PDE4D: variants seen among roughly 807,000 people sequenced by gnomAD.
PDE4D encodes 3',5'-cyclic-AMP phosphodiesterase 4D.
Under a neutral mutation model 87.4 loss-of-function variants are expected in PDE4D, and 24 were observed. That is an observed-to-expected ratio of 0.27 (90% confidence interval 0.20 to 0.39). The LOEUF (loss-of-function observed/expected upper bound fraction) is 0.39, where lower values mean the gene tolerates loss of function less well. Ranked by LOEUF, PDE4D falls within the 10% of genes least tolerant of loss-of-function variation. The pLI, the probability that PDE4D is intolerant of heterozygous loss-of-function variation, is 1.00. For missense variants in PDE4D, 714 were observed against 1,041.0 expected, an observed-to-expected ratio of 0.69 and a Z score of 4.32; for synonymous variants, 384 against 383.2, an observed-to-expected ratio of 1.00 and a Z score of -0.02.
chr5:60,175,360 A>G (rs530469837), intron 2 of PDE4D, among the ~76,000 whole-genome samples: 20 of 152,292 alleles, frequency 1.3e-4, no homozygotes, highest in African/African-American at 4.3e-4. Flanking sequence ...CCTTTAAAAT[A>G]TTAATCATAG....
At chr5:60,202,655 A>G (rs2050021961) in intron 1 of PDE4D, among the ~76,000 whole-genome samples, 1 of 152,116 alleles carries the variant, frequency 6.6e-6, no homozygotes, top group Non-Finnish European at 1.5e-5. Flanking sequence ...ATGAATTTAC[A>G]AAAAAGGATA....
At chr5:60,002,296 A>T (rs982511682) in intron 2 of PDE4D, among the ~76,000 whole-genome samples, 2 of 152,056 alleles carry the variant, frequency 1.3e-5, no homozygotes, top group Non-Finnish European at 2.9e-5. Flanking sequence ...CCTAACAAAG[A>T]AAAGCACAGG....
chr5:60,005,279 T>A (rs1297284700), intron 2 of PDE4D, among the ~76,000 whole-genome samples: 1 of 152,036 alleles, frequency 6.6e-6, no homozygotes, highest in Non-Finnish European at 1.5e-5. Flanking sequence ...GAGAGTAGAA[T>A]GGTGGTTGCC....
chr5:59,339,171 C>T (rs1778271387), intron 1 of PDE4D, among the ~76,000 whole-genome samples: 1 of 152,228 alleles, frequency 6.6e-6, no homozygotes, highest in Non-Finnish European at 1.5e-5. Flanking sequence ...CTTTGGATCA[C>T]ACACTATGAA....
chr5:60,268,612 A>C (rs1163174040), intron 1 of PDE4D, among the ~76,000 whole-genome samples: 1 of 152,236 alleles, frequency 6.6e-6, no homozygotes, highest in Admixed American at 6.5e-5. Flanking sequence ...CTCTGCTCCC[A>C]GCCTCCTGTG....
At chr5:59,816,967 C>G (rs1769042519) in intron 1 of PDE4D, among the ~76,000 whole-genome samples, 2 of 152,178 alleles carry the variant, frequency 1.3e-5, no homozygotes, top group South Asian at 4.1e-4. Context: ...GAGGAGGAGC[C>G]AGCATTGATT....
At chr5:59,066,517 G>A (rs1763964306) in intron 5 of PDE4D, among the ~76,000 whole-genome samples, 1 of 152,174 alleles carries the variant, frequency 6.6e-6, no homozygotes, top group Non-Finnish European at 1.5e-5. Context: ...TGGAGATGAG[G>A]CTGCAGAGAT....
At chr5:59,885,456 T>A (rs1750004580) in intron 1 of PDE4D, among the ~76,000 whole-genome samples, 1 of 152,166 alleles carries the variant, frequency 6.6e-6, no homozygotes, top group Non-Finnish European at 1.5e-5. Context: ...CCAACGATAA[T>A]CTTACTCCAT....
intron 1 of PDE4D, among the ~76,000 whole-genome samples, chr5:60,499,008 G>A (rs1732490061): frequency 6.6e-6 from 1 of 152,182 alleles, no homozygotes; most frequent in Non-Finnish European, 1.5e-5. Context: ...CCTGCATCAT[G>A]AAACTCTTAC....
chr5:59,097,583 A>G (rs1769975936), intron 5 of PDE4D, among the ~76,000 whole-genome samples: 1 of 152,230 alleles, frequency 6.6e-6, no homozygotes, highest in Non-Finnish European at 1.5e-5. Flanking sequence ...CTGAAAAAAG[A>G]ATCATGTAAT....
intron 2 of PDE4D, among the ~76,000 whole-genome samples, chr5:60,043,492 C>A (rs955702071): frequency 2.0e-5 from 3 of 152,020 alleles, no homozygotes; most frequent in Non-Finnish European, 2.9e-5. Context: ...GACACATAAT[C>A]ATCAGATTCA....
At chr5:59,134,266 A>G (rs1463210575) in intron 5 of PDE4D, among the ~76,000 whole-genome samples, 1 of 150,494 alleles carries the variant, frequency 6.6e-6, no homozygotes, top group Admixed American at 6.7e-5. Context: ...ACATCAATTT[A>G]CTTATCTATG....
chr5:59,587,312 T>C (rs1825304470), intron 1 of PDE4D: 1 of 425,738 alleles, frequency 2.3e-6, no homozygotes, highest in African/African-American at 2.2e-5. Flanking sequence ...TAAGAATTCT[T>C]CCCCCGATGT....
At chr5:59,468,836 C>T (rs1211218349) in intron 1 of PDE4D, among the ~76,000 whole-genome samples, 4 of 152,096 alleles carry the variant, frequency 2.6e-5, no homozygotes, top group African/African-American at 7.2e-5. Flanking sequence ...TTCAATGCAA[C>T]CATAGGCCTA....
intron 1 of PDE4D, among the ~76,000 whole-genome samples, chr5:59,559,464 T>A (rs185862165): frequency 1.4e-4 from 21 of 152,272 alleles, no homozygotes; most frequent in African/African-American, 4.8e-4. Context: ...CAGAAAAAAA[T>A]TAAATGTTTG....
chr5:60,445,285 T>C (rs1745558920), intron 1 of PDE4D, among the ~76,000 whole-genome samples: 1 of 152,310 alleles, frequency 6.6e-6, no homozygotes, highest in East Asian at 1.9e-4. Context: ...AACAATGTTA[T>C]GCTGTCCAAC....
At chr5:59,261,474 T>A (rs2153535726) in intron 1 of PDE4D, among the ~76,000 whole-genome samples, 1 of 151,934 alleles carries the variant, frequency 6.6e-6, no homozygotes, top group South Asian at 2.1e-4. Flanking sequence ...ATTAGTGAAA[T>A]AGAGCCTCAA....
At chr5:60,432,353 G>A (rs928653264) in intron 1 of PDE4D, among the ~76,000 whole-genome samples, 1 of 152,112 alleles carries the variant, frequency 6.6e-6, no homozygotes, top group Non-Finnish European at 1.5e-5. Flanking sequence ...TTATATGTCT[G>A]GTAGAATTTT....
intron 11 of PDE4D, among the ~76,000 whole-genome samples, chr5:58,981,784 T>C (rs1036485068): frequency 6.6e-6 from 1 of 152,168 alleles, no homozygotes; most frequent in African/African-American, 2.4e-5. Context: ...GTATGGGTTA[T>C]TAGTGGTCCT....
Sources: gnomAD v4.1 joint callset for allele counts (sites outside exome capture counted in the v4.1 genomes callset) on GRCh38, gnomAD v4.1.1 for gene constraint, MANE v1.5 for transcripts, NCBI Gene and HGNC (gene_info 2026-07-23, HGNC 2026-07-21) for gene names.